Variants in KALRN observed in about 807,000 individuals in gnomAD.
KALRN encodes the protein kalirin.
KALRN carries 70 observed loss-of-function variants against 353.7 expected under a neutral mutation model. The ratio of observed to expected loss-of-function variants is 0.20; its 90% confidence interval spans 0.16 to 0.24. The LOEUF (loss-of-function observed/expected upper bound fraction) is 0.24, where lower values mean the gene tolerates loss of function less well. Ranked by LOEUF, KALRN falls within the 10% of genes least tolerant of loss-of-function variation. KALRN has a pLI of 1.00. For synonymous variants in KALRN, 1,391 were observed against 1,434.8 expected, an observed-to-expected ratio of 0.97 and a Z score of 0.69; for missense variants, 2,791 against 3,756.7, an observed-to-expected ratio of 0.74 and a Z score of 6.72.
intron 6 of KALRN, among the ~76,000 whole-genome samples, chr3:124,310,831 A>G (rs1292263837): frequency 6.6e-6 from 1 of 152,210 alleles, no homozygotes; most frequent in Non-Finnish European, 1.5e-5. Context: ...AAGAAAAACC[A>G]CAAAATGGGA....
intron 5 of KALRN, among the ~76,000 whole-genome samples, chr3:124,287,409 C>T (rs2076007193): frequency 1.3e-5 from 2 of 151,930 alleles, no homozygotes. Context: ...AAATCTCAGC[C>T]TCCTTACCAG....
chr3:124,475,536 A>G (rs1030924055), intron 26 of KALRN, among the ~76,000 whole-genome samples: 6 of 152,204 alleles, frequency 3.9e-5, no homozygotes, highest in African/African-American at 1.4e-4. Context: ...GCGTTCTACT[A>G]TTTAATAATT....
chr3:124,444,874 G>A (rs2093785512), intron 19 of KALRN, among the ~76,000 whole-genome samples: 1 of 151,694 alleles, frequency 6.6e-6, no homozygotes, highest in South Asian at 2.1e-4. Flanking sequence ...CCTAAAAGAT[G>A]AAAAACAGAT....
chr3:124,408,378 C>G (rs2091808748), intron 13 of KALRN, among the ~76,000 whole-genome samples: 1 of 152,138 alleles, frequency 6.6e-6, no homozygotes, highest in South Asian at 2.1e-4. Flanking sequence ...TGGAGCAGCC[C>G]TATTGTTGTA....
At chr3:124,633,286 A>G (rs1346673204) in intron 35 of KALRN, among the ~76,000 whole-genome samples, 1 of 152,260 alleles carries the variant, frequency 6.6e-6, no homozygotes, top group African/African-American at 2.4e-5. Context: ...GGTTTGAGAG[A>G]CTGTAGCCAA....
Position 124,255,233 on chromosome 3 carries a change from C to A in KALRN, c.264-9265C>A, listed in dbSNP as rs181697875. Among the ~76,000 whole-genome samples the A allele has an allele frequency of 1.6e-3, 241 of 152,292 alleles. 2 individuals carry two copies. The highest frequency in any genetic ancestry group is 5.6e-3 in the African/African-American group (233 of 41,558). On this transcript the variant is annotated intron_variant, in intron 3 of 59. Transcript: ENST00000682506. Reference sequence around the variant, plus strand: ...TGCTGGGATTACAGGCATGAGCCACCGTGCCCGGCCTCTAGTATTTTTTTA... The same window carrying A: ...TGCTGGGATTACAGGCATGAGCCACAGTGCCCGGCCTCTAGTATTTTTTTA...
chr3:124,329,542 G>A (rs2080288421), intron 7 of KALRN, among the ~76,000 whole-genome samples: 1 of 152,172 alleles, frequency 6.6e-6, no homozygotes, highest in African/African-American at 2.4e-5. Flanking sequence ...CGTGGAATGT[G>A]GTGAGCTGTT....
intron 47 of KALRN, among the ~76,000 whole-genome samples, chr3:124,669,975 T>TTTTC (rs1251255458): frequency 6.7e-6 from 1 of 148,790 alleles, no homozygotes; most frequent in Non-Finnish European, 1.5e-5. Flanking sequence ...TTTTTTTTTT[T>TTTTC]TTTTCTTTTT....
intron 36 of KALRN, among the ~76,000 whole-genome samples, chr3:124,635,385 A>T (rs2081251274): frequency 6.6e-6 from 1 of 152,316 alleles, no homozygotes; most frequent in East Asian, 1.9e-4. Flanking sequence ...CAGCTTGTTT[A>T]CAGAAATGGA....
chr3:124,114,058 G>A (rs773303109), intron 1 of KALRN, among the ~76,000 whole-genome samples: 1 of 152,178 alleles, frequency 6.6e-6, no homozygotes, highest in African/African-American at 2.4e-5. Flanking sequence ...AAAGGTAAGA[G>A]AAAGGGTTAA....
chr3:124,455,057 C>T (rs2059172597), intron 21 of KALRN, 120 bp from the exon 22 acceptor site: 1 of 1,010,650 alleles, frequency 9.9e-7, no homozygotes, highest in African/African-American at 1.6e-5. Context: ...AGCTGGGATA[C>T]ATACCCAGGT....
At chr3:124,341,740 G>C (rs2081743235) in intron 9 of KALRN, among the ~76,000 whole-genome samples, 1 of 152,140 alleles carries the variant, frequency 6.6e-6, no homozygotes, top group South Asian at 2.1e-4. Context: ...GTACAAAGAG[G>C]TTGGAGTCTA....
chr3:124,603,321 C>T (rs2077002886), intron 34 of KALRN, among the ~76,000 whole-genome samples: 1 of 152,214 alleles, frequency 6.6e-6, no homozygotes, highest in Non-Finnish European at 1.5e-5. Flanking sequence ...ATATCTATCT[C>T]CTTCTACCTG....
Position 124,368,282 on chromosome 3 carries a change from G to A in KALRN, c.1771-16563G>A, listed in dbSNP as rs539545203. Among the ~76,000 whole-genome samples, 1,225 of 141,606 alleles carry A rather than the reference G, an allele frequency of 8.7e-3. 50 individuals are homozygous for A. Among genetic ancestry groups the A allele is most frequent in the African/African-American group, 0.032 (1,136 of 35,134 alleles). The allele number at this position is 141,606 out of a possible 152,430, so 92.9% of individuals were successfully genotyped here. A position where few individuals can be genotyped will look rare whatever the true frequency, so the allele number is the denominator to read the frequency against. On this transcript the variant is annotated intron_variant, in intron 10 of 59. Coordinates refer to ENST00000682506, the MANE Select transcript of KALRN (RefSeq NM_001388419.1). ...CTCCCGGACGGGGCGGCTGCCGGGC[G>A]GAGACGCTCCTCACTTCCCAGATGG...
intron 34 of KALRN, among the ~76,000 whole-genome samples, chr3:124,618,301 G>C (rs2078870337): frequency 6.7e-6 from 1 of 150,002 alleles, no homozygotes; most frequent in African/African-American, 2.5e-5. Flanking sequence ...ATTTTTAGTA[G>C]AGACGGAGTT....
Position 124,354,816 on chromosome 3 carries a change from G to A in KALRN, c.1770+7551G>A, listed in dbSNP as rs138042577. Among the ~76,000 whole-genome samples, 766 of 152,306 alleles carry A rather than the reference G, an allele frequency of 5.0e-3. 5 individuals carry two copies. Among genetic ancestry groups the A allele is most frequent in the African/African-American group, 0.017 (727 of 41,562 alleles). ...CTTTGTTGAAAGGACTTGTTCTAAT[G>A]GGAAGAGTGACAGTGTATCAGGATG... On this transcript the variant is annotated intron_variant, in intron 10 of 59. Transcript: ENST00000682506.
At chr3:124,578,193 G>A (rs969967375) in intron 34 of KALRN, among the ~76,000 whole-genome samples, 3 of 152,142 alleles carry the variant, frequency 2.0e-5, no homozygotes, top group African/African-American at 7.2e-5. Flanking sequence ...GGTTAGCTTA[G>A]TGACTTACAA....
At chr3:124,612,065 C>T (rs952351586) in intron 34 of KALRN, among the ~76,000 whole-genome samples, 3 of 152,214 alleles carry the variant, frequency 2.0e-5, no homozygotes, top group African/African-American at 7.2e-5. Context: ...GCTCTTGTAG[C>T]TCAGGCTGGA....
At chr3:124,405,638 GTTTTTTTTT>G (rs71145451) in intron 13 of KALRN, among the ~76,000 whole-genome samples, 1 of 83,868 alleles carries the variant, frequency 1.2e-5, no homozygotes, top group Non-Finnish European at 2.2e-5. Context: ...GGACCTCAGG[GTTTTTTTTT>G]TTTTTTTTTT....
Sources: gnomAD v4.1 joint callset for allele counts (sites outside exome capture counted in the v4.1 genomes callset) on GRCh38, gnomAD v4.1.1 for gene constraint, MANE v1.5 for transcripts, NCBI Gene and HGNC (gene_info 2026-07-23, HGNC 2026-07-21) for gene names.